Variants in GRAMD1B observed in about 807,000 individuals in gnomAD.
GRAMD1B encodes the protein GRAM domain containing 1B, also known as protein Aster-B.
Under a neutral mutation model 99.7 loss-of-function variants are expected in GRAMD1B, and 37 were observed. The ratio of observed to expected loss-of-function variants is 0.37; its 90% CI spans 0.29 to 0.49. GRAMD1B has a LOEUF of 0.49. GRAMD1B is among the 20% of genes least tolerant of loss of function. GRAMD1B has a pLI of 0.98. For synonymous variants in GRAMD1B, 427 were observed against 387.6 expected, an observed-to-expected ratio of 1.10 and a Z score of -1.19; for missense variants, 888 against 1,009.2, an observed-to-expected ratio of 0.88 and a Z score of 1.63.
At chr11:123,390,493 C>T (rs1004371951) in intron 1 of GRAMD1B, among the ~76,000 whole-genome samples, 2 of 152,142 alleles carry the variant, frequency 1.3e-5, no homozygotes, top group African/African-American at 2.4e-5. Context: ...AAAAACAAAA[C>T]AAAATAAAAG....
chr11:123,404,829 G>C (rs1947797889), intron 1 of GRAMD1B, among the ~76,000 whole-genome samples: 1 of 152,248 alleles, frequency 6.6e-6, no homozygotes, highest in Non-Finnish European at 1.5e-5. Context: ...TGCAGCTTTT[G>C]CAGTGCTCAT....
rs1177002615 is a variant in GRAMD1B at position 123,573,524 on chromosome 11, G to A, written c.453-3843G>A. On this transcript the variant is annotated intron_variant, in intron 2 of 19. Transcript: ENST00000635736. ...CAAACACAATTGAATGCCTGCTTCC[G>A]AAAATGAGCTTGACAATCAGATAGG... is the stretch of plus-strand genomic sequence containing the variant. Among the ~76,000 whole-genome samples the A allele has an allele frequency of 3.5e-4, 53 of 152,134 alleles. 1 individual carries two copies. The highest frequency in any genetic ancestry group is 3.5e-3 in the Admixed American group (53 of 15,270).
In GRAMD1B at chr11:123,492,054, C is replaced by T. The variant is rs1459585737; in HGVS notation, c.452+11161C>T. Reference sequence around the variant, plus strand: ...TAGGTCCCTGCCCAAGAGGGACACTCGGTGATCCATTGCAAGAGGCTGAAG... The same window carrying T: ...TAGGTCCCTGCCCAAGAGGGACACTTGGTGATCCATTGCAAGAGGCTGAAG... On this transcript the variant is annotated intron_variant, in intron 2 of 19. Transcript: ENST00000635736. The surrounding 1 kb of genome is among the most constrained non-coding windows in gnomAD (Gnocchi z 4.2). The T allele has an allele frequency of 1.5e-5, 6 of 395,296 alleles. No homozygotes were observed. Among genetic ancestry groups the T allele is most frequent in the African/African-American group, 4.1e-5 (2 of 48,484 alleles). The allele number at this position is 395,296 out of a possible 1,614,324, so 24.5% of individuals were successfully genotyped here. A position where few individuals can be genotyped will look rare whatever the true frequency, so the allele number is the denominator to read the frequency against.
rs1953397355 is a variant in GRAMD1B at position 123,610,513 on chromosome 11, T to C, written c.1919+175T>C. Among the ~76,000 whole-genome samples, 1 of 152,204 alleles carries C rather than the reference T, an allele frequency of 6.6e-6. No homozygotes were observed. The highest frequency in any genetic ancestry group is 2.1e-4 in the South Asian group (1 of 4,832). ...CCCACCACTCTGTTTGAGTTAATTATTCTCTCCACTCTCTACATCTTGTTA... is the reference window on the plus strand; with the variant it reads ...CCCACCACTCTGTTTGAGTTAATTACTCTCTCCACTCTCTACATCTTGTTA... On this transcript the variant is annotated intron_variant, in intron 14 of 19. Coordinates refer to ENST00000635736, the MANE Select transcript of GRAMD1B (RefSeq NM_001387025.1). The surrounding 1 kb of genome is among the most constrained non-coding windows in gnomAD (Gnocchi z 4.1).
intron 1 of GRAMD1B, among the ~76,000 whole-genome samples, chr11:123,432,556 A>C (rs1948948052): frequency 5.3e-5 from 1 of 18,838 alleles, no homozygotes; most frequent in Non-Finnish European, 1.2e-4. Flanking sequence ...ACTCTGTCTC[A>C]AAAAAAAAAA....
chr11:123,590,472 A>G (rs1282680314), intron 4 of GRAMD1B, among the ~76,000 whole-genome samples: 1 of 152,132 alleles, frequency 6.6e-6, no homozygotes. Context: ...TGCAGGAAAC[A>G]TCTGCTGGGG....
chr11:123,565,331 A>G (rs985559921), intron 2 of GRAMD1B, among the ~76,000 whole-genome samples: 6 of 151,990 alleles, frequency 3.9e-5, no homozygotes, highest in Admixed American at 2.0e-4. Flanking sequence ...GAGCCACTGC[A>G]ACTGGCCATA....
intron 1 of GRAMD1B, among the ~76,000 whole-genome samples, chr11:123,383,290 A>G (rs1211135172): frequency 2.0e-5 from 3 of 151,682 alleles, no homozygotes; most frequent in African/African-American, 7.2e-5. Flanking sequence ...CTAGTTTCCA[A>G]TGTGTGGCAT....
chr11:123,529,222 G>A (rs1196539914), intron 2 of GRAMD1B, among the ~76,000 whole-genome samples: 2 of 152,206 alleles, frequency 1.3e-5, no homozygotes, highest in Non-Finnish European at 1.5e-5. Context: ...GATAAGTGCG[G>A]TGAACAGCAG....
chr11:123,587,517 G>A lies in GRAMD1B; in HGVS notation c.684+3185G>A, dbSNP rs577051553. On this transcript the variant is annotated intron_variant, in intron 4 of 19. Coordinates refer to ENST00000635736, the MANE Select transcript of GRAMD1B (RefSeq NM_001387025.1). The surrounding 1 kb of genome is among the most constrained non-coding windows in gnomAD (Gnocchi z 4.2). ...GGGGCAACCTGGCCAGGGCCACTGG[G>A]GCAAGAGGGGTGAAATTTACTCCCC... is the stretch of plus-strand genomic sequence containing the variant. Among the ~76,000 whole-genome samples, 1 of 152,324 alleles carries A rather than the reference G, an allele frequency of 6.6e-6. No individual in the cohort carries two copies. The highest frequency in any genetic ancestry group is 6.5e-5 in the Admixed American group (1 of 15,302).
chr11:123,457,141 T>TAGAAAGAAAGAAAGAAAGAA (rs1383562713), intron 1 of GRAMD1B, among the ~76,000 whole-genome samples: 12 of 68,948 alleles, frequency 1.7e-4, no homozygotes, highest in East Asian at 4.4e-4. Flanking sequence ...AAGAAAGAAT[T>TAGAAAGAAAGAAAGAAAGAA]AGAACAGTTT....
At chr11:123,477,781 T>C (rs917192729) in intron 1 of GRAMD1B, among the ~76,000 whole-genome samples, 15 of 94,368 alleles carry the variant, frequency 1.6e-4, no homozygotes, top group Non-Finnish European at 7.4e-5. Context: ...TTTCTTCTCT[T>C]TTTTTGTTTT....
At chr11:123,560,575 C>T (rs1332983255) in intron 2 of GRAMD1B, 2 of 646,774 alleles carry the variant, frequency 3.1e-6, no homozygotes, top group African/African-American at 3.7e-5. Flanking sequence ...CGCCCCCGCC[C>T]CCCACTGCCC....
At chr11:123,513,656 T>TTCTTAC (rs1565316172) in intron 2 of GRAMD1B, among the ~76,000 whole-genome samples, 4 of 146,892 alleles carry the variant, frequency 2.7e-5, no homozygotes, top group Non-Finnish European at 4.5e-5. Flanking sequence ...TTCTTACCTT[T>TTCTTAC]CTTTCTTTCT....
At chr11:123,531,589 G>A (rs1943378064) in intron 2 of GRAMD1B, among the ~76,000 whole-genome samples, 1 of 152,066 alleles carries the variant, frequency 6.6e-6, no homozygotes, top group Admixed American at 6.6e-5. Flanking sequence ...TATTATTGCT[G>A]GAAGAGACGG....
At position 123,623,145 on chromosome 11, in the gene GRAMD1B, A is replaced by G. The variant is rs1148116; in HGVS notation, c.*550A>G. The G allele has an allele frequency of 0.76, 115,667 of 152,038 alleles. 44,959 individuals carry two copies. Among genetic ancestry groups the G allele is most frequent in the East Asian group, 0.99 (5,133 of 5,172 alleles). 9.4% of individuals were successfully genotyped at this position (152,038 alleles called of 1,614,324 possible). On this transcript the variant is annotated 3_prime_UTR_variant, in exon 20 of 20. Transcript: ENST00000635736. ...CTAGGGTTGGCCGCCCACTTGATCC[A>G]GACCGTACTGAGTGTCAGATGGAGA...
chr11:123,460,786 G>T (rs1950374758), intron 1 of GRAMD1B, among the ~76,000 whole-genome samples: 2 of 152,186 alleles, frequency 1.3e-5, no homozygotes, highest in South Asian at 4.1e-4. Flanking sequence ...CGGGCTGCTT[G>T]TCCTTGAGCT....
At chr11:123,528,572 A>G (rs959916896) in intron 2 of GRAMD1B, among the ~76,000 whole-genome samples, 2 of 152,132 alleles carry the variant, frequency 1.3e-5, no homozygotes, top group Non-Finnish European at 2.9e-5. Flanking sequence ...AGGCATGCAG[A>G]TAGGAACCAG....
intron 14 of GRAMD1B, among the ~76,000 whole-genome samples, 190 bp from the exon 15 acceptor site, chr11:123,612,571 C>T (rs1953735967): frequency 6.6e-6 from 1 of 152,200 alleles, no homozygotes; most frequent in African/African-American, 2.4e-5. Context: ...GTTTTCTTAT[C>T]TATAAAATGG....
Sources: allele counts gnomAD v4.1 joint callset (sites outside exome capture counted in the v4.1 genomes callset), GRCh38; gene constraint gnomAD v4.1.1; non-coding constraint Gnocchi (gnomAD v3.1); transcripts MANE v1.5; gene names NCBI Gene and HGNC (gene_info 2026-07-23, HGNC 2026-07-21).